Variants in ABI3BP observed in about 807,000 individuals in gnomAD.
ABI3BP encodes the protein target of Nesh-SH3.
A neutral mutation model predicts 268.6 loss-of-function variants in ABI3BP; 216 were observed. That is an observed-to-expected ratio of 0.80 (90% CI 0.72 to 0.90). The LOEUF is 0.90. Ranked by LOEUF, ABI3BP falls within the 40% of genes least tolerant of loss-of-function variation. The pLI, the probability that ABI3BP is intolerant of heterozygous loss-of-function variation, is 0.00. For missense variants in ABI3BP, 2,090 were observed against 2,182.4 expected, an observed-to-expected ratio of 0.96 and a Z score of 0.84; for synonymous variants, 730 against 730.0, an observed-to-expected ratio of 1.00 and a Z score of 0.00.
At chr3:100,976,438 G>A (rs1180885028) in intron 1 of ABI3BP, among the ~76,000 whole-genome samples, 2 of 152,246 alleles carry the variant, frequency 1.3e-5, no homozygotes, top group East Asian at 3.9e-4. Context: ...AAGGAATAAA[G>A]CCCAGTTCAG....
intron 20 of ABI3BP, among the ~76,000 whole-genome samples, chr3:100,843,122 C>T (rs563628530): frequency 2.6e-5 from 4 of 152,094 alleles, no homozygotes; most frequent in South Asian, 2.1e-4. Flanking sequence ...AATATAATAA[C>T]GCAGGTACAG....
At chr3:100,786,051 G>A (rs1416537546) in intron 57 of ABI3BP, among the ~76,000 whole-genome samples, 1 of 150,962 alleles carries the variant, frequency 6.6e-6, no homozygotes, top group Non-Finnish European at 1.5e-5. Context: ...TCTCCATTCA[G>A]TGCTCTCTGG....
intron 16 of ABI3BP, 23 bp from the exon 17 acceptor site, chr3:100,850,142 C>A: frequency 1.3e-6 from 2 of 1,593,238 alleles, no homozygotes; most frequent in Non-Finnish European, 1.7e-6. Flanking sequence ...ACACCCCAAC[C>A]CATCAAATAA....
rs796505082 is a variant in ABI3BP, at chr3:100,841,220, T to G, written c.1766-362A>C. Among the ~76,000 whole-genome samples, 177 of 119,506 alleles carry G rather than the reference T, an allele frequency of 1.5e-3. 3 individuals carry two copies. Among genetic ancestry groups the G allele is most frequent in the African/African-American group, 2.9e-3 (89 of 30,968 alleles). The allele number at this position is 119,506 out of a possible 152,430, so 78.4% of individuals were successfully genotyped here. A position where few individuals can be genotyped will look rare whatever the true frequency, so the allele number is the denominator to read the frequency against. ...TTTTTTTTTTTTTTTTTTTTTTTTTTTTTTTTTGCTCTTTTGAAGAAAAAG... is the reference window on the plus strand; with the variant it reads ...TTTTTTTTTTTTTTTTTTTTTTTTTGTTTTTTTGCTCTTTTGAAGAAAAAG... On this transcript the variant is annotated intron_variant, in intron 21 of 67. Coordinates refer to ENST00000471714, the MANE Select transcript of ABI3BP (RefSeq NM_001375547.2).
intron 1 of ABI3BP, among the ~76,000 whole-genome samples, chr3:100,950,597 G>A (rs750120629): frequency 1.3e-5 from 2 of 151,920 alleles, no homozygotes; most frequent in Non-Finnish European, 2.9e-5. Flanking sequence ...GATGAAGGTC[G>A]AGGTGTTAAT....
chr3:100,940,571 T>A (rs1304576576), intron 1 of ABI3BP, among the ~76,000 whole-genome samples: 2 of 151,126 alleles, frequency 1.3e-5, no homozygotes, highest in Non-Finnish European at 3.0e-5. Context: ...GTAACCAACC[T>A]ACCATTCCGA....
Position 100,886,217 on chromosome 3 carries a change from A to G in ABI3BP, c.568T>C (p.Tyr190His). 5 of 1,609,652 alleles carry G rather than the reference A, an allele frequency of 3.1e-6. No individual in the cohort carries two copies. Among genetic ancestry groups the G allele is most frequent in the Non-Finnish European group, 4.2e-6 (5 of 1,177,666 alleles). Residue 190 changes from tyrosine (Y) to histidine (H), a missense_variant, in exon 5 of 68, where the codon TAT becomes CAT. Tyr to His is a moderately conservative substitution (Grantham distance 83). Transcript: ENST00000471714. ...ACATTGTCTTTCACTCCAAATTCAT[A>G]AACTGTGTTGGGCTTTAGGTTTTCC... The part of the protein sequence containing the change: ...IVENLKPNTV[Y>H]EFGVKDNVEG...
At chr3:100,895,274 T>C (rs1324888956) in intron 4 of ABI3BP, among the ~76,000 whole-genome samples, 4 of 152,128 alleles carry the variant, frequency 2.6e-5, no homozygotes, top group African/African-American at 9.7e-5. Context: ...GAAGCACATC[T>C]GCTCTCCGAT....
intron 2 of ABI3BP, among the ~76,000 whole-genome samples, chr3:100,919,483 T>C (rs2059619794): frequency 6.6e-6 from 1 of 152,180 alleles, no homozygotes; most frequent in Non-Finnish European, 1.5e-5. Context: ...ACCTTGTAAA[T>C]GGTACTAATA....
chr3:100,874,374 G>GT (rs1233804050), intron 9 of ABI3BP, among the ~76,000 whole-genome samples: 1 of 151,958 alleles, frequency 6.6e-6, no homozygotes, highest in Non-Finnish European at 1.5e-5. Context: ...TGGATTTTCC[G>GT]TTTTTTTCTT....
intron 2 of ABI3BP, chr3:100,911,947 C>A: frequency 2.0e-6 from 2 of 993,868 alleles, no homozygotes; most frequent in Non-Finnish European, 3.2e-6. Context: ...AGTGCTTGCT[C>A]ATTTACTTCA....
Position 100,778,198 on chromosome 3 carries a change from C to G in ABI3BP, c.4333+86G>C. On this transcript the variant is annotated intron_variant, in intron 59 of 67. Transcript: ENST00000471714. ...ACGTGTCACACACATCAATAGTGTG[C>G]CTGTTGCTAGCACGCCAAGAAGAGC... 6.9e-6 allele frequency: 9 copies of G among 1,300,638 alleles called. No homozygotes were observed. In the South Asian group the frequency reaches 1.1e-4, roughly 16 times the overall value. 80.6% of individuals were successfully genotyped at this position (1,300,638 alleles called of 1,614,324 possible).
In ABI3BP at chr3:100,824,906, G is replaced by A. The variant is rs2098340264; in HGVS notation, c.2698C>T (p.Pro900Ser). 1 of 1,536,166 alleles carries A rather than the reference G, an allele frequency of 6.5e-7. No homozygotes were observed. Among genetic ancestry groups the A allele is most frequent in the Non-Finnish European group, 8.7e-7 (1 of 1,146,704 alleles). The change falls in exon 36 of 68, where the codon CCC becomes TCC. Residue 900 changes from proline to serine, a missense_variant. Coordinates refer to ENST00000471714, the MANE Select transcript of ABI3BP (RefSeq NM_001375547.2). ...KTSKRTRPPRPRPKTTPSPQA... is the reference protein window; with the variant it reads ...KTSKRTRPPRSRPKTTPSPQA... ...GGGCTCGGTGTAGTTTTAGGTCTGG[G>A]ACGTGGAGGGCGGGTTCTTTTTGAT...
intron 14 of ABI3BP, among the ~76,000 whole-genome samples, chr3:100,858,506 G>C (rs1354768279): frequency 6.6e-6 from 1 of 152,170 alleles, no homozygotes; most frequent in Non-Finnish European, 1.5e-5. Flanking sequence ...TTTTCATAGA[G>C]TCTTTTATAT....
intron 1 of ABI3BP, among the ~76,000 whole-genome samples, chr3:100,972,986 C>T (rs1332412794): frequency 1.3e-5 from 2 of 152,136 alleles, no homozygotes; most frequent in Non-Finnish European, 2.9e-5. Flanking sequence ...TGTTTCAGCT[C>T]TCAGACTGTA....
chr3:100,932,257 A>G (rs2063889275), intron 1 of ABI3BP, among the ~76,000 whole-genome samples: 1 of 152,110 alleles, frequency 6.6e-6, no homozygotes, highest in Non-Finnish European at 1.5e-5. Context: ...ACCTCAGAGG[A>G]AAATCTAGGG....
At chr3:100,902,040 T>A (rs1318234241) in intron 3 of ABI3BP, among the ~76,000 whole-genome samples, 7 of 152,210 alleles carry the variant, frequency 4.6e-5, no homozygotes, top group Admixed American at 1.3e-4. Context: ...TTGCTATTAT[T>A]TTTATTTTAT....
intron 44 of ABI3BP, among the ~76,000 whole-genome samples, chr3:100,814,218 A>G (rs1283880058): frequency 1.3e-5 from 2 of 152,174 alleles, no homozygotes; most frequent in Non-Finnish European, 2.9e-5. Flanking sequence ...TGTCCTTCTG[A>G]AAAAGCAGGA....
intron 47 of ABI3BP, 38 bp from the exon 48 acceptor site, chr3:100,811,315 A>C: frequency 6.9e-7 from 1 of 1,450,766 alleles, no homozygotes; most frequent in Non-Finnish European, 9.3e-7. Flanking sequence ...TAGAAACTGT[A>C]AGATATTAAG....
Sources: gnomAD v4.1 joint callset for allele counts (sites outside exome capture counted in the v4.1 genomes callset) on GRCh38, gnomAD v4.1.1 for gene constraint, MANE v1.5 for transcripts, NCBI Gene and HGNC (gene_info 2026-07-23, HGNC 2026-07-21) for gene names.